COL14A1: variants seen among roughly 807,000 people sequenced by gnomAD.
COL14A1 encodes the protein collagen alpha-1(XIV) chain.
COL14A1 carries 136 observed loss-of-function variants against 230.3 expected under a neutral mutation model. The observed-to-expected ratio is 0.59, with a 90% CI of 0.51 to 0.68. COL14A1 has a LOEUF of 0.68. COL14A1 is among the 30% of genes least tolerant of loss of function. The pLI, the probability that COL14A1 is intolerant of heterozygous loss-of-function variation, is 0.00. For synonymous variants in COL14A1, 792 were observed against 784.1 expected, an observed-to-expected ratio of 1.01 and a Z score of -0.17; for missense variants, 1,976 against 2,215.8, an observed-to-expected ratio of 0.89 and a Z score of 2.17.
chr8:120,297,797 G>T (rs1301349025), intron 35 of COL14A1, among the ~76,000 whole-genome samples: 1 of 151,884 alleles, frequency 6.6e-6, no homozygotes, highest in Non-Finnish European at 1.5e-5. Context: ...AACTCAGAGG[G>T]TGCTATTTAC....
intron 6 of COL14A1, 75 bp downstream of exon 6, chr8:120,197,021 A>G (rs1028048913): frequency 1.6e-4 from 232 of 1,436,390 alleles, no homozygotes; most frequent in Middle Eastern, 3.6e-4. Flanking sequence ...AGAAATTTCA[A>G]AAATTCCTTA....
At chr8:120,325,873 A>G (rs1470293362) in intron 40 of COL14A1, among the ~76,000 whole-genome samples, 1 of 152,182 alleles carries the variant, frequency 6.6e-6, no homozygotes, top group Non-Finnish European at 1.5e-5. Context: ...TGGAAAATTT[A>G]TAGATATAGA....
intron 5 of COL14A1, among the ~76,000 whole-genome samples, chr8:120,184,806 G>A (rs185710174): frequency 6.6e-6 from 1 of 152,126 alleles, no homozygotes; most frequent in Non-Finnish European, 1.5e-5. Context: ...AGTCAGGCAG[G>A]CTTCTCTCTT....
At chr8:120,152,795 G>A (rs1230410408) in intron 2 of COL14A1, among the ~76,000 whole-genome samples, 3 of 152,164 alleles carry the variant, frequency 2.0e-5, no homozygotes, top group Non-Finnish European at 4.4e-5. Context: ...TATGTACCTG[G>A]TTCTAGCGAT....
chr8:120,128,024 G>A (rs1187691044), intron 1 of COL14A1, among the ~76,000 whole-genome samples: 3 of 152,202 alleles, frequency 2.0e-5, no homozygotes, highest in South Asian at 4.1e-4. Flanking sequence ...AAGTTTAAAG[G>A]AAAGTGATAA....
At chr8:120,128,228 C>CGTGTGTGT (rs33988612) in intron 1 of COL14A1, among the ~76,000 whole-genome samples, 152 of 146,784 alleles carry the variant, frequency 1.0e-3, no homozygotes, top group Non-Finnish European at 1.7e-3. Flanking sequence ...TGTGCGCGCG[C>CGTGTGTGT]GTGTGTGTGT....
intron 40 of COL14A1, among the ~76,000 whole-genome samples, chr8:120,322,085 T>C (rs1056023813): frequency 4.6e-5 from 7 of 152,064 alleles, no homozygotes; most frequent in Admixed American, 3.3e-4. Context: ...TTTATATATA[T>C]ACACATTTAA....
At chr8:120,241,208 A>G (rs1004660290) in intron 19 of COL14A1, among the ~76,000 whole-genome samples, 1 of 152,222 alleles carries the variant, frequency 6.6e-6, no homozygotes, top group Non-Finnish European at 1.5e-5. Flanking sequence ...TGAGAACATG[A>G]TCACTTTTCT....
chr8:120,333,325 C>T (rs1422650272), intron 42 of COL14A1, among the ~76,000 whole-genome samples: 2 of 152,198 alleles, frequency 1.3e-5, no homozygotes, highest in African/African-American at 4.8e-5. Flanking sequence ...CAAATGAACA[C>T]ATCTGGGCCT....
intron 47 of COL14A1, chr8:120,370,894 T>C: frequency 8.0e-7 from 1 of 1,244,424 alleles, no homozygotes; most frequent in Non-Finnish European, 1.1e-6. Context: ...GGGTTTCTTC[T>C]GTAAATAAAA....
chr8:120,325,834 A>G (rs1425567897), intron 40 of COL14A1, among the ~76,000 whole-genome samples: 1 of 152,100 alleles, frequency 6.6e-6, no homozygotes, highest in Non-Finnish European at 1.5e-5. Context: ...CTCTAAACAC[A>G]CATCTTAGAT....
intron 31 of COL14A1, among the ~76,000 whole-genome samples, chr8:120,281,521 C>T (rs768136315): frequency 2.7e-5 from 4 of 150,104 alleles, no homozygotes; most frequent in Non-Finnish European, 4.4e-5. Context: ...GCCATGATCA[C>T]GCCACTGCAC....
At chr8:120,327,314 C>T (rs1043608711) in intron 40 of COL14A1, among the ~76,000 whole-genome samples, 4 of 152,116 alleles carry the variant, frequency 2.6e-5, no homozygotes, top group African/African-American at 9.7e-5. Flanking sequence ...CCTCAGTCAA[C>T]GACTAACTGA....
intron 42 of COL14A1, among the ~76,000 whole-genome samples, chr8:120,332,957 C>A (rs1313305926): frequency 6.6e-6 from 1 of 152,206 alleles, no homozygotes; most frequent in Non-Finnish European, 1.5e-5. Context: ...AATAATCTGT[C>A]ATGCTTTTGC....
intron 40 of COL14A1, among the ~76,000 whole-genome samples, chr8:120,327,269 C>A (rs952735070): frequency 9.2e-5 from 14 of 152,308 alleles, no homozygotes; most frequent in East Asian, 3.9e-4. Context: ...TTGTCCCCTT[C>A]TCCAGATAAT....
intron 40 of COL14A1, among the ~76,000 whole-genome samples, chr8:120,324,316 T>C (rs1281601367): frequency 6.6e-6 from 1 of 152,178 alleles, no homozygotes; most frequent in East Asian, 1.9e-4. Context: ...TCTGTGCATA[T>C]ATACATATAC....
chr8:120,367,333 C>A, intron 46 of COL14A1, 85 bp downstream of exon 46: 2 of 1,072,822 alleles, frequency 1.9e-6, no homozygotes, highest in Non-Finnish European at 2.8e-6. Context: ...GGTCATCTTA[C>A]ATCCTAGTAT....
rs117791513 is a variant in COL14A1, at chr8:120,218,777, G to A, written c.1737+2287G>A. Among the ~76,000 whole-genome samples the A allele has an allele frequency of 1.2e-4, 18 of 152,272 alleles. No homozygotes were observed. The East Asian group carries it at 3.3e-3, about 28-fold the overall frequency. On this transcript the variant is annotated intron_variant, in intron 14 of 47. Transcript: ENST00000297848. ...GATGGGAAGTGTGTGCATCCAGGAC[G>A]CAGCCAGTCTCAGCTTCTACTTATT...
At chr8:120,284,819 A>AAGGGC (rs1387226823) in intron 32 of COL14A1, among the ~76,000 whole-genome samples, 5 of 152,196 alleles carry the variant, frequency 3.3e-5, no homozygotes, top group African/African-American at 1.2e-4. Flanking sequence ...TTTGTAGCAT[A>AAGGGC]GGAATGAATT....
Sources: gnomAD v4.1 joint callset for allele counts (sites outside exome capture counted in the v4.1 genomes callset) on GRCh38, gnomAD v4.1.1 for gene constraint, MANE v1.5 for transcripts, NCBI Gene and HGNC (gene_info 2026-07-23, HGNC 2026-07-21) for gene names.